The following NUP210L variants were observed in gnomAD, a reference collection of about 807,000 sequenced individuals.
NUP210L encodes the protein nucleoporin 210 like.
Under a neutral mutation model 208.5 loss-of-function variants are expected in NUP210L, and 74 were observed. The observed-to-expected ratio is 0.35, with a 90% CI of 0.29 to 0.43. The LOEUF is 0.43. Ranked by LOEUF, NUP210L falls within the 20% of genes least tolerant of loss-of-function variation. NUP210L has a pLI of 1.00. For missense variants in NUP210L, 1,843 were observed against 2,289.4 expected (o/e 0.81, Z 3.98); for synonymous variants, 780 against 816.9 (o/e 0.95, Z 0.77).
exon 34 of NUP210L, chr1:154,012,356 T>G (rs757540856): frequency 9.1e-5 from 146 of 1,612,832 alleles, no homozygotes; most frequent in South Asian, 2.4e-4. Context: ...ATCTTGATGA[T>G]GCATTGACCA....
chr1:154,140,767 G>C (rs1658815319), intron 4 of NUP210L, among the ~76,000 whole-genome samples: 1 of 151,630 alleles, frequency 6.6e-6, no homozygotes, highest in South Asian at 2.1e-4. Flanking sequence ...CAGATCAGGA[G>C]GTCAGGAGAT....
At position 154,141,514 on chromosome 1, in the gene NUP210L, A is replaced by G. The variant is rs772079642; in HGVS notation, c.483T>C (p.Phe161=). 1.1e-5 allele frequency: 18 copies of G among 1,606,058 alleles called. No individual in the cohort carries two copies. The South Asian group carries it at 1.4e-4, about 13-fold the overall frequency. Reference sequence around the variant, plus strand: ...CAAACATCATCCCTGCCAAACTACTAAAAGTATTTCCTGTAGAGCAAGCCA... The same window carrying G: ...CAAACATCATCCCTGCCAAACTACTGAAAGTATTTCCTGTAGAGCAAGCCA... Residue 161 remains phenylalanine, a synonymous_variant, in exon 4 of 40, where the codon TTT becomes TTC. Transcript: ENST00000368559.
intron 16 of NUP210L, among the ~76,000 whole-genome samples, chr1:154,083,984 G>A (rs1276225188): frequency 6.6e-6 from 1 of 151,262 alleles, no homozygotes; most frequent in African/African-American, 2.4e-5. Context: ...TTTAGAGATG[G>A]TGGTAGTCTC....
rs1205314851 is a variant in NUP210L at position 154,046,108 on chromosome 1, G to A, written c.3657C>T (p.Ser1219=). ...GCACTAGATCCAATACATCCCTTTT[G>A]CTCATAGACCAGTGGAATGTGAGCC... Residue 1219 remains serine (S), a synonymous_variant, in exon 27 of 40, where the codon AGC becomes AGT. Coordinates refer to ENST00000368559, the Ensembl canonical transcript of NUP210L. 7 of 1,613,948 alleles carry A rather than the reference G, an allele frequency of 4.3e-6. No homozygotes were observed. The African/African-American group carries it at 8.0e-5, about 18-fold the overall frequency.
chr1:154,134,459 C>T (rs1658418690), intron 7 of NUP210L, among the ~76,000 whole-genome samples: 1 of 143,994 alleles, frequency 6.9e-6, no homozygotes. Flanking sequence ...AGTTTCAGGC[C>T]GGGCGCGGTG....
At chr1:154,152,770 T>C (rs754198662) in exon 2 of NUP210L, 1 of 1,614,092 alleles carries the variant, frequency 6.2e-7, no homozygotes, top group South Asian at 1.1e-5. Context: ...TGCTGAGGCG[T>C]ATCGGTTGCG....
intron 2 of NUP210L, 34 bp from the exon 3 acceptor site, chr1:154,143,611 A>G (rs1658967420): frequency 6.3e-7 from 1 of 1,583,474 alleles, no homozygotes; most frequent in Non-Finnish European, 8.6e-7. Flanking sequence ...TATTTAATTC[A>G]ATAGGTCATG....
In NUP210L at chr1:154,118,563, T is replaced by C. The variant is rs958474023; in HGVS notation, c.1464+108A>G. Reference sequence around the variant, plus strand: ...TTGGTTGTCACCAAAACCCAAGTTATACTTTTAGGATTGGGAGGAAATAAA... The same window carrying C: ...TTGGTTGTCACCAAAACCCAAGTTACACTTTTAGGATTGGGAGGAAATAAA... On this transcript the variant is annotated intron_variant, in intron 11 of 39. Coordinates refer to ENST00000368559, the Ensembl canonical transcript of NUP210L. 4 of 852,242 alleles carry C rather than the reference T, an allele frequency of 4.7e-6. 1 individual carries two copies. The South Asian group carries it at 1.5e-4, about 33-fold the overall frequency. The allele number at this position is 852,242 out of a possible 1,614,324, so 52.8% of individuals were successfully genotyped here.
chr1:154,137,681 C>A (rs1287795531), intron 6 of NUP210L, among the ~76,000 whole-genome samples: 1 of 151,994 alleles, frequency 6.6e-6, no homozygotes, highest in African/African-American at 2.4e-5. Context: ...TGCCACTGTA[C>A]TACAACCTGG....
chr1:154,043,945 A>C (rs374666931), intron 27 of NUP210L, among the ~76,000 whole-genome samples: 3 of 152,074 alleles, frequency 2.0e-5, no homozygotes, highest in African/African-American at 4.8e-5. Context: ...CAATTTGCCT[A>C]TGCTAGATCT....
At chr1:154,071,901 G>A (rs1378535640) in intron 16 of NUP210L, among the ~76,000 whole-genome samples, 2 of 151,844 alleles carry the variant, frequency 1.3e-5, no homozygotes, top group African/African-American at 2.4e-5. Flanking sequence ...CTCCCAAAGC[G>A]CTGAGATTAC....
At chr1:154,152,844 C>A in exon 2 of NUP210L, 2 of 1,614,024 alleles carry the variant, frequency 1.2e-6, no homozygotes, top group Non-Finnish European at 1.7e-6. Context: ...AAAGGCTCAA[C>A]AGTAACTGCA....
At position 154,125,740 on chromosome 1, in the gene NUP210L, AGGGAGG is replaced by A. The variant is rs1557995099; in HGVS notation, c.1326+577_1326+582del. ...AAGGAAGGAAGGAAGGAAGGAAGGG[AGGGAGG>A]GAAATGTTTTTTTTTTTTTTTTTTT... On this transcript the variant is annotated intron_variant, in intron 10 of 39. Transcript: ENST00000368559. 1.5e-4 allele frequency among the ~76,000 whole-genome samples: 2 copies of A among 13,402 alleles called. 1 individual carries two copies. The highest frequency in any genetic ancestry group is 3.2e-4 in the African/African-American group (2 of 6,184). The allele number at this position is 13,402 out of a possible 152,430, so 8.8% of individuals were successfully genotyped here.
At chr1:154,107,990 G>A (rs997261745) in intron 12 of NUP210L, among the ~76,000 whole-genome samples, 1 of 152,130 alleles carries the variant, frequency 6.6e-6, no homozygotes, top group African/African-American at 2.4e-5. Flanking sequence ...TAAAGAGGAG[G>A]TAAAGAGAGA....
At chr1:154,111,066 G>GA in intron 12 of NUP210L, among the ~76,000 whole-genome samples, 1 of 148,310 alleles carries the variant, frequency 6.7e-6, no homozygotes, top group East Asian at 2.0e-4. Context: ...AAAAAAAAAA[G>GA]AGAGAGAGAG....
chr1:154,065,659 G>A (rs1332526984), intron 17 of NUP210L, among the ~76,000 whole-genome samples: 1 of 152,086 alleles, frequency 6.6e-6, no homozygotes, highest in Non-Finnish European at 1.5e-5. Flanking sequence ...TTGGGAGGCC[G>A]AGGCAGGTGG....
chr1:154,118,901 G>A (rs1286208173), intron 10 of NUP210L, 93 bp from the exon 11 acceptor site: 1 of 631,096 alleles, frequency 1.6e-6, no homozygotes, highest in Admixed American at 2.8e-5. Flanking sequence ...AAAATGGTAT[G>A]CTCATAAATT....
chr1:154,057,690 ATGTGTGTGTGTGTGTG>A (rs4060104), intron 22 of NUP210L, among the ~76,000 whole-genome samples: 53 of 125,484 alleles, frequency 4.2e-4, no homozygotes, highest in South Asian at 3.0e-3. Context: ...AGGACCTCGA[ATGTGTGTGTGTGTGTG>A]TGTGTGTGTG....
At chr1:154,150,727 C>CAAAAAA (rs1156928758) in intron 2 of NUP210L, among the ~76,000 whole-genome samples, 3 of 39,666 alleles carry the variant, frequency 7.6e-5, no homozygotes, top group Non-Finnish European at 1.7e-4. Context: ...GACTCCATCT[C>CAAAAAA]AAAAAAAAAA....
Sources: gnomAD v4.1 joint callset for allele counts (sites outside exome capture counted in the v4.1 genomes callset) on GRCh38, gnomAD v4.1.1 for gene constraint, MANE v1.5 for transcripts, NCBI Gene and HGNC (gene_info 2026-07-23, HGNC 2026-07-21) for gene names.